PDCD10: variants seen among roughly 807,000 people sequenced by gnomAD.
PDCD10 encodes programmed cell death 10, also known as programmed cell death protein 10.
Under a neutral mutation model 29.2 loss-of-function variants are expected in PDCD10, and 4 were observed. The observed-to-expected ratio is 0.14, with a 90% CI of 0.07 to 0.31. PDCD10 has a LOEUF of 0.31. PDCD10 is among the 10% of genes least tolerant of loss of function. The probability of loss-of-function intolerance (pLI) is 1.00; values close to 1 mark genes in which losing one functional copy is unlikely to be tolerated. For missense variants in PDCD10, 183 were observed against 257.9 expected (o/e 0.71, Z 1.99); for synonymous variants, 70 against 82.2 (o/e 0.85, Z 0.80).
rs147313579 is a variant in PDCD10, at chr3:167,702,347, TAATA to T, written c.150+2491_150+2494del. Among the ~76,000 whole-genome samples, 1,429 of 152,260 alleles carry T rather than the reference TAATA, an allele frequency of 9.4e-3. 30 individuals carry two copies. In the East Asian group the frequency reaches 0.096, roughly 10 times the overall value. On this transcript the variant is annotated intron_variant, in intron 4 of 8. Coordinates refer to ENST00000392750, the MANE Select transcript of PDCD10 (RefSeq NM_007217.4). ...TGATGATCCACTTCAACTTAATGAA[TAATA>T]AATATATTTTCTCTTATGATTTTCT...
At chr3:167,721,176 C>T (rs1297925678) in intron 2 of PDCD10, among the ~76,000 whole-genome samples, 1 of 152,168 alleles carries the variant, frequency 6.6e-6, no homozygotes, top group Non-Finnish European at 1.5e-5. Flanking sequence ...ATTTCTACTA[C>T]TTGTAAAGCA....
chr3:167,721,218 T>C (rs1327440712), intron 2 of PDCD10, among the ~76,000 whole-genome samples: 1 of 152,110 alleles, frequency 6.6e-6, no homozygotes, highest in Non-Finnish European at 1.5e-5. Context: ...TGCACATGCA[T>C]TTAGTCCTAT....
Position 167,687,611 on chromosome 3 carries a change from G to A in PDCD10, c.474+4C>T, listed in dbSNP as rs1390197622. ...TCAACTAGCAAGGCTTCTACTAAAC[G>A]TACCCTGCGGTTCTGGTATTGATAT... On this transcript the variant is annotated splice_donor_region_variant and intron_variant, in intron 7 of 8. Coordinates refer to ENST00000392750, the MANE Select transcript of PDCD10 (RefSeq NM_007217.4). 5.8e-6 allele frequency: 9 copies of A among 1,562,436 alleles called. No homozygotes were observed. The highest frequency in any genetic ancestry group is 1.4e-5 in the African/African-American group (1 of 73,868).
At chr3:167,708,873 A>C (rs1267981851) in intron 3 of PDCD10, among the ~76,000 whole-genome samples, 1 of 152,206 alleles carries the variant, frequency 6.6e-6, no homozygotes, top group African/African-American at 2.4e-5. Context: ...CTTACTATAC[A>C]ACTAGTACTA....
At chr3:167,721,510 A>C (rs1382277443) in intron 2 of PDCD10, among the ~76,000 whole-genome samples, 1 of 152,218 alleles carries the variant, frequency 6.6e-6, no homozygotes, top group East Asian at 1.9e-4. Flanking sequence ...CTAATCATTA[A>C]AAATTTATCT....
At chr3:167,727,314 A>T (rs1724292698) in intron 2 of PDCD10, among the ~76,000 whole-genome samples, 2 of 152,352 alleles carry the variant, frequency 1.3e-5, no homozygotes, top group Admixed American at 6.5e-5. Flanking sequence ...ATTTCAAAGC[A>T]ACTTGTTCAG....
intron 6 of PDCD10, among the ~76,000 whole-genome samples, chr3:167,694,087 T>A (rs966351269): frequency 2.0e-5 from 3 of 152,160 alleles, no homozygotes; most frequent in Non-Finnish European, 4.4e-5. Context: ...AGGCTTCCCA[T>A]AATTCAATAT....
chr3:167,707,398 G>A (rs1051129779), intron 3 of PDCD10, among the ~76,000 whole-genome samples: 2 of 152,272 alleles, frequency 1.3e-5, no homozygotes, highest in African/African-American at 4.8e-5. Context: ...ACACAGTAAG[G>A]CTGGGCACGG....
chr3:167,691,644 T>C (rs1018754124), intron 6 of PDCD10, among the ~76,000 whole-genome samples: 1 of 152,234 alleles, frequency 6.6e-6, no homozygotes, highest in Non-Finnish European at 1.5e-5. Context: ...TACATTTCTA[T>C]GCCAGTTTCA....
At chr3:167,691,803 C>A (rs1720270672) in intron 6 of PDCD10, among the ~76,000 whole-genome samples, 1 of 152,186 alleles carries the variant, frequency 6.6e-6, no homozygotes, top group African/African-American at 2.4e-5. Context: ...CAGTGAACAC[C>A]TGGCATTAGA....
chr3:167,704,607 T>A, intron 4 of PDCD10: 1 of 420,796 alleles, frequency 2.4e-6, no homozygotes, highest in South Asian at 3.2e-5. Context: ...GAGAGAACAC[T>A]CTGAAAAACT....
intron 8 of PDCD10, among the ~76,000 whole-genome samples, chr3:167,685,720 AAAT>A (rs1719549091): frequency 6.6e-6 from 1 of 152,184 alleles, no homozygotes; most frequent in African/African-American, 2.4e-5. Flanking sequence ...TTAAAATCAG[AAAT>A]AATAATCCCA....
intron 3 of PDCD10, among the ~76,000 whole-genome samples, chr3:167,719,633 C>G (rs1350620592): frequency 1.3e-5 from 2 of 152,058 alleles, no homozygotes; most frequent in African/African-American, 2.4e-5. Flanking sequence ...TTCTGGCTAC[C>G]TAGAATGGAC....
intron 4 of PDCD10, among the ~76,000 whole-genome samples, chr3:167,702,539 T>A (rs528276452): frequency 6.6e-6 from 1 of 152,306 alleles, no homozygotes; most frequent in South Asian, 2.1e-4. Context: ...TACTCAAATC[T>A]TCAACTCTGC....
chr3:167,689,082 T>C (rs535173899), intron 6 of PDCD10, among the ~76,000 whole-genome samples: 38 of 152,334 alleles, frequency 2.5e-4, no homozygotes, highest in Middle Eastern at 3.4e-3. Context: ...GGCTGAAACA[T>C]TGAAACATTA....
chr3:167,702,551 G>C (rs1018226024), intron 4 of PDCD10, among the ~76,000 whole-genome samples: 3 of 152,126 alleles, frequency 2.0e-5, no homozygotes, highest in Non-Finnish European at 4.4e-5. Context: ...CAACTCTGCA[G>C]GGGGTCAGCA....
intron 2 of PDCD10, among the ~76,000 whole-genome samples, chr3:167,721,975 A>G (rs1321216503): frequency 6.6e-6 from 1 of 152,146 alleles, no homozygotes; most frequent in Non-Finnish European, 1.5e-5. Context: ...ATAAATACCA[A>G]TTGTGGCCCT....
In PDCD10 at chr3:167,684,352, G is replaced by A. The variant is rs1719343382; in HGVS notation, c.595C>T (p.His199Tyr). Reference protein sequence around the residue: ...NVFVSANRLIHQTNLILQTFK... With the variant: ...NVFVSANRLIYQTNLILQTFK... Reference sequence around the variant, plus strand: ...GTCTGAAGTATTAAGTTGGTTTGATGAATTAGTCGGTTGGCACTTACGAAC... The same window carrying A: ...GTCTGAAGTATTAAGTTGGTTTGATAAATTAGTCGGTTGGCACTTACGAAC... Residue 199 changes from histidine (H) to tyrosine (Y), a missense_variant, in exon 9 of 9, where the codon CAT (histidine) becomes TAT (tyrosine). Transcript: ENST00000392750. 1 of 1,607,504 alleles carries A rather than the reference G, an allele frequency of 6.2e-7. No individual in the cohort carries two copies.
At chr3:167,688,180 C>T (rs183697733) in intron 6 of PDCD10, among the ~76,000 whole-genome samples, 21 of 152,232 alleles carry the variant, frequency 1.4e-4, no homozygotes, top group African/African-American at 4.6e-4. Context: ...ATGCTAGATA[C>T]CTATTAGTTT....
Sources: allele counts gnomAD v4.1 joint callset (sites outside exome capture counted in the v4.1 genomes callset), GRCh38; gene constraint gnomAD v4.1.1; transcripts MANE v1.5; gene names NCBI Gene and HGNC (gene_info 2026-07-23, HGNC 2026-07-21).